Variants in HOMER2 observed in about 807,000 individuals in gnomAD.
HOMER2 encodes homer scaffold protein 2.
A neutral mutation model predicts 47.0 loss-of-function variants in HOMER2; 27 were observed. That is an observed-to-expected ratio of 0.57 (90% CI 0.42 to 0.79). The LOEUF (loss-of-function observed/expected upper bound fraction) is 0.79. Among genes scored for constraint, HOMER2 ranks in the 30% least tolerant of loss-of-function variants. The probability of loss-of-function intolerance (pLI) is 0.00; values close to 1 mark genes in which losing one functional copy is unlikely to be tolerated. For missense variants in HOMER2, 443 were observed against 435.0 expected, an observed-to-expected ratio of 1.02 and a Z score of -0.16; for synonymous variants, 161 against 163.8, an observed-to-expected ratio of 0.98 and a Z score of 0.13.
intron 5 of HOMER2, 48 bp from the exon 6 acceptor site, chr15:82,854,848 C>T (rs751883460): frequency 1.1e-4 from 175 of 1,574,072 alleles, no homozygotes; most frequent in Non-Finnish European, 1.4e-4. Context: ...GCTGTCCCGT[C>T]TGGCTCCGCC....
intron 3 of HOMER2, among the ~76,000 whole-genome samples, chr15:82,866,115 G>A (rs745490156): frequency 1.4e-4 from 21 of 152,210 alleles, no homozygotes; most frequent in Non-Finnish European, 2.4e-4. Flanking sequence ...ATGCCGGCCC[G>A]TGAAAGCAGC....
intron 1 of HOMER2, among the ~76,000 whole-genome samples, chr15:82,945,697 G>A (rs367561762): frequency 1.5e-4 from 23 of 152,216 alleles, no homozygotes; most frequent in Admixed American, 3.3e-4. Context: ...ATGGCCGGGC[G>A]CGGTGGCTGA....
At chr15:82,934,773 C>A (rs2054103210) in intron 1 of HOMER2, among the ~76,000 whole-genome samples, 1 of 152,244 alleles carries the variant, frequency 6.6e-6, no homozygotes, top group Non-Finnish European at 1.5e-5. Context: ...ACTTTAAATT[C>A]ATGTTCTCTG....
intron 2 of HOMER2, among the ~76,000 whole-genome samples, chr15:82,891,804 C>T (rs1025828268): frequency 1.3e-5 from 2 of 152,250 alleles, no homozygotes; most frequent in South Asian, 4.2e-4. Flanking sequence ...ACTTGACAAA[C>T]TTAAAGAAGG....
intron 1 of HOMER2, among the ~76,000 whole-genome samples, chr15:82,975,538 A>C (rs140050981): frequency 5.3e-5 from 8 of 152,350 alleles, no homozygotes; most frequent in African/African-American, 1.9e-4. Flanking sequence ...GTAAAAAAAG[A>C]ATGAGGTCCT....
At chr15:82,928,940 T>TAAGAAAAAAAAAAAAAAAAAA (rs2053925555) in intron 1 of HOMER2, among the ~76,000 whole-genome samples, 1 of 39,942 alleles carries the variant, frequency 2.5e-5, no homozygotes, top group Non-Finnish European at 4.0e-5. Flanking sequence ...AAATAAAAAC[T>TAAGAAAAAAAAAAAAAAAAAA]AAAAAAAAAA....
chr15:82,859,254 G>T, intron 4 of HOMER2, 119 bp from the exon 5 acceptor site: 1 of 1,455,730 alleles, frequency 6.9e-7, no homozygotes, highest in Non-Finnish European at 9.4e-7. Flanking sequence ...TTACGAGTGT[G>T]GACGAACCAA....
chr15:82,848,412 ATTG>A (rs2051285695), downstream of HOMER2, among the ~76,000 whole-genome samples: 1 of 152,134 alleles, frequency 6.6e-6, no homozygotes, highest in East Asian at 1.9e-4. Context: ...TCAAGCCATT[ATTG>A]CCACACACGG....
chr15:82,920,683 A>C (rs2053704504), intron 1 of HOMER2, among the ~76,000 whole-genome samples: 1 of 152,148 alleles, frequency 6.6e-6, no homozygotes. Flanking sequence ...TTGTGATTAC[A>C]CTGGGCCCTG....
Position 82,864,262 on chromosome 15 carries a change from G to C in HOMER2, c.295-3C>G. On this transcript the variant is annotated splice_polypyrimidine_tract_variant and splice_region_variant and intron_variant, in intron 3 of 8. Coordinates refer to ENST00000450735, the MANE Select transcript of HOMER2 (RefSeq NM_004839.4). ...ACCTCCTGGAATTTCTCTGCAAACT[G>C]AACATGAAGAATAGTTATTAAGGCT... is the stretch of plus-strand genomic sequence containing the variant. 1 of 1,602,800 alleles carries C rather than the reference G, an allele frequency of 6.2e-7. No homozygotes were observed. Among genetic ancestry groups the C allele is most frequent in the Non-Finnish European group, 8.5e-7 (1 of 1,171,200 alleles).
At chr15:82,875,923 G>T (rs1001720432) in intron 2 of HOMER2, among the ~76,000 whole-genome samples, 6 of 152,160 alleles carry the variant, frequency 3.9e-5, no homozygotes, top group Admixed American at 3.9e-4. Context: ...AGGGTTAATT[G>T]ACAAAGAAAC....
At chr15:82,936,205 T>TG (rs1320786919) in intron 1 of HOMER2, among the ~76,000 whole-genome samples, 2 of 152,226 alleles carry the variant, frequency 1.3e-5, no homozygotes, top group Non-Finnish European at 2.9e-5. Context: ...TTTCTGCACA[T>TG]GCGGTAGCAG....
intron 1 of HOMER2, among the ~76,000 whole-genome samples, chr15:82,902,348 C>T (rs2053149359): frequency 1.3e-5 from 2 of 152,040 alleles, no homozygotes; most frequent in African/African-American, 4.8e-5. Context: ...CAGGCACCTG[C>T]CACCACGCCC....
chr15:82,860,684 C>T (rs2151625823), intron 4 of HOMER2, among the ~76,000 whole-genome samples: 1 of 152,150 alleles, frequency 6.6e-6, no homozygotes, highest in Admixed American at 6.5e-5. Flanking sequence ...CACCTGTAAT[C>T]CCAGCACTTT....
intron 1 of HOMER2, among the ~76,000 whole-genome samples, chr15:82,948,372 C>T (rs1383790490): frequency 7.5e-6 from 1 of 133,010 alleles, no homozygotes; most frequent in Non-Finnish European, 1.5e-5. Context: ...GCCTGGGCGA[C>T]AGACAGAGAC....
chr15:82,949,053 C>A (rs1263839100), intron 1 of HOMER2, among the ~76,000 whole-genome samples: 1 of 151,912 alleles, frequency 6.6e-6, no homozygotes, highest in Non-Finnish European at 1.5e-5. Context: ...TGATAGCCTG[C>A]ATGTGAGAGG....
At chr15:82,957,747 T>G (rs1439578087), downstream of HOMER2, among the ~76,000 whole-genome samples, 1 of 152,216 alleles carries the variant, frequency 6.6e-6, no homozygotes, top group Non-Finnish European at 1.5e-5. Context: ...TTTCCAACAG[T>G]CCCATCTGTC....
At chr15:82,906,432 AC>A (rs995710634) in intron 1 of HOMER2, among the ~76,000 whole-genome samples, 1 of 148,556 alleles carries the variant, frequency 6.7e-6, no homozygotes, top group African/African-American at 2.5e-5. Flanking sequence ...CAAGAAATCC[AC>A]TTTTTTTTTT....
intron 5 of HOMER2, among the ~76,000 whole-genome samples, chr15:82,855,359 A>G (rs751090539): frequency 2.0e-5 from 3 of 150,230 alleles, no homozygotes; most frequent in Non-Finnish European, 4.4e-5. Context: ...AGAAAACACA[A>G]TTCTTCACGA....
Sources: gnomAD v4.1 joint callset for allele counts (sites outside exome capture counted in the v4.1 genomes callset) on GRCh38, gnomAD v4.1.1 for gene constraint, MANE v1.5 for transcripts, NCBI Gene and HGNC (gene_info 2026-07-23, HGNC 2026-07-21) for gene names.